ANKRD31: variants seen among roughly 807,000 people sequenced by gnomAD.
The protein encoded by ANKRD31 is ankyrin repeat domain-containing protein 31.
In ANKRD31, 147 loss-of-function variants were observed where a neutral mutation model predicts 186.0. The observed-to-expected ratio is 0.79, with a 90% CI of 0.69 to 0.91. The LOEUF is 0.91. Among genes scored for constraint, ANKRD31 ranks in the 40% least tolerant of loss-of-function variants. The pLI is 0.00. For synonymous variants in ANKRD31, 673 were observed against 736.4 expected (o/e 0.91, Z 1.39); for missense variants, 1,986 against 2,148.8 (o/e 0.92, Z 1.50).
chr5:75,191,138 A>AT (rs1464003250), intron 9 of ANKRD31, among the ~76,000 whole-genome samples: 2 of 152,152 alleles, frequency 1.3e-5, no homozygotes, highest in Non-Finnish European at 2.9e-5. Context: ...TTCTTCTACA[A>AT]CTTTTATTTT....
intron 17 of ANKRD31, among the ~76,000 whole-genome samples, chr5:75,131,221 G>T (rs1014671252): frequency 6.6e-5 from 10 of 152,318 alleles, no homozygotes; most frequent in Admixed American, 2.0e-4. Flanking sequence ...CCAGAAAGGG[G>T]CCCCCACAGT....
At chr5:75,211,887 C>A (rs1287527653) in intron 3 of ANKRD31, among the ~76,000 whole-genome samples, 1 of 151,812 alleles carries the variant, frequency 6.6e-6, no homozygotes, top group Non-Finnish European at 1.5e-5. Context: ...ATTCTGTAAA[C>A]CATACATGAT....
chr5:75,191,660 C>T (rs1580526873), intron 9 of ANKRD31, among the ~76,000 whole-genome samples: 1 of 152,142 alleles, frequency 6.6e-6, no homozygotes, highest in East Asian at 1.9e-4. Flanking sequence ...TCTTACAATG[C>T]TGAATCTTTC....
chr5:75,210,178 T>G (rs189514865), intron 4 of ANKRD31, among the ~76,000 whole-genome samples: 72 of 152,270 alleles, frequency 4.7e-4, no homozygotes, highest in Admixed American at 1.6e-3. Context: ...TTTCTTGCTT[T>G]CTTTCTTGCT....
intron 20 of ANKRD31, among the ~76,000 whole-genome samples, chr5:75,110,572 T>C (rs1747693677): frequency 2.0e-5 from 3 of 151,446 alleles, no homozygotes; most frequent in Admixed American, 2.0e-4. Context: ...TAGCTGGGCA[T>C]GGTGCATGCG....
At chr5:75,116,764 G>A in intron 18 of ANKRD31, 83 bp from the exon 19 acceptor site, 2 of 679,530 alleles carry the variant, frequency 2.9e-6, no homozygotes, top group East Asian at 3.3e-5. Context: ...ATGGGGATGA[G>A]AAGGATAAGT....
intron 10 of ANKRD31, among the ~76,000 whole-genome samples, chr5:75,171,167 A>G (rs1753289820): frequency 6.6e-6 from 1 of 152,098 alleles, no homozygotes; most frequent in Non-Finnish European, 1.5e-5. Context: ...CAACTAAAGA[A>G]TAAACATTCA....
At chr5:75,174,985 C>A (rs61495789) in intron 10 of ANKRD31, among the ~76,000 whole-genome samples, 8 of 152,126 alleles carry the variant, frequency 5.3e-5, no homozygotes, top group African/African-American at 1.9e-4. Context: ...AACCCAAATG[C>A]CCATCAGTGA....
chr5:75,104,363 T>C lies in ANKRD31; in HGVS notation c.5196A>G (p.Gly1732=), dbSNP rs1466558985. The change falls in exon 22 of 26, where the codon GGA becomes GGG. Residue 1732 remains glycine, a synonymous_variant. Coordinates refer to ENST00000506364, the MANE Select transcript of ANKRD31 (RefSeq NM_001372053.1). ...ADDSQISSSS[G]SGQQDTIKKA... ...TTTTTATTGTATCTTGTTGCCCAGA[T>C]CCAGAGGAAGAGGAGATCTGACTGT... 1 of 1,537,202 alleles carries C rather than the reference T, an allele frequency of 6.5e-7. No individual in the cohort carries two copies. Among genetic ancestry groups the C allele is most frequent in the South Asian group, 1.2e-5 (1 of 84,054 alleles).
At chr5:75,100,620 A>G (rs1746769071) in intron 22 of ANKRD31, among the ~76,000 whole-genome samples, 1 of 152,102 alleles carries the variant, frequency 6.6e-6, no homozygotes, top group South Asian at 2.1e-4. Flanking sequence ...TATTGGGTGC[A>G]TATATATTTC....
At chr5:75,160,933 C>T (rs1279303867) in intron 11 of ANKRD31, among the ~76,000 whole-genome samples, 3 of 152,178 alleles carry the variant, frequency 2.0e-5, no homozygotes, top group African/African-American at 7.2e-5. Flanking sequence ...GATTGTGAAG[C>T]CTCCCTAGCC....
At chr5:75,138,711 T>C in intron 16 of ANKRD31, 135 bp downstream of exon 16, 2 of 903,282 alleles carry the variant, frequency 2.2e-6, no homozygotes, top group African/African-American at 3.4e-5. Context: ...TAAACACTAA[T>C]ATAATATAAA....
chr5:75,234,187 C>T (rs1758116958), intron 1 of ANKRD31, among the ~76,000 whole-genome samples: 1 of 152,062 alleles, frequency 6.6e-6, no homozygotes, highest in Admixed American at 6.6e-5. Flanking sequence ...TTGATTCAAA[C>T]TTTGTAAAAG....
chr5:75,195,647 C>A lies in ANKRD31; in HGVS notation c.1001G>T (p.Cys334Phe). The A allele has an allele frequency of 6.6e-7, 1 of 1,526,092 alleles. No individual in the cohort carries two copies. 94.5% of individuals were successfully genotyped at this position (1,526,092 alleles called of 1,614,324 possible). ...EFNTSQTNED[C>F]TQIAETLQDP... is the part of the protein sequence containing the mutation. ...AAAATTCACCTCTGCTATTTGTGTA[C>A]AATCTTCATTGGTCTGAGACGTATT... The change falls in exon 7 of 26, where the codon TGT becomes TTT. Residue 334 changes from cysteine to phenylalanine, a missense_variant. Cys to Phe is a radical substitution (Grantham distance 205). Transcript: ENST00000506364.
At chr5:75,190,982 T>C (rs1755072431) in intron 9 of ANKRD31, among the ~76,000 whole-genome samples, 2 of 152,126 alleles carry the variant, frequency 1.3e-5, no homozygotes, top group South Asian at 2.1e-4. Flanking sequence ...TTTTTAAATG[T>C]ATGTAGTTAA....
intron 13 of ANKRD31, among the ~76,000 whole-genome samples, chr5:75,148,215 A>G (rs927040031): frequency 1.3e-5 from 2 of 151,750 alleles, no homozygotes; most frequent in Non-Finnish European, 2.9e-5. Flanking sequence ...CATTCACACA[A>G]CTCAAGTACT....
chr5:75,083,062 T>G (rs551435776), intron 24 of ANKRD31, among the ~76,000 whole-genome samples: 3 of 152,336 alleles, frequency 2.0e-5, no homozygotes, highest in Admixed American at 6.5e-5. Flanking sequence ...TTGGAATATT[T>G]GCATATACAT....
At chr5:75,216,197 A>G (rs1756948401) in intron 3 of ANKRD31, among the ~76,000 whole-genome samples, 2 of 152,196 alleles carry the variant, frequency 1.3e-5, no homozygotes, top group Non-Finnish European at 2.9e-5. Flanking sequence ...TAAAGTTTTG[A>G]AGAATACATT....
At chr5:75,148,038 T>C (rs1172660181) in intron 13 of ANKRD31, among the ~76,000 whole-genome samples, 3 of 151,850 alleles carry the variant, frequency 2.0e-5, no homozygotes, top group African/African-American at 7.2e-5. Context: ...AATTGTTATA[T>C]AGGTGGAGCT....
Sources: allele counts gnomAD v4.1 joint callset (sites outside exome capture counted in the v4.1 genomes callset), GRCh38; gene constraint gnomAD v4.1.1; transcripts MANE v1.5; gene names NCBI Gene and HGNC (gene_info 2026-07-23, HGNC 2026-07-21).